Variants in LHX4 observed in about 807,000 individuals in gnomAD.
LHX4 encodes the protein LIM/homeobox protein Lhx4.
A neutral mutation model predicts 39.2 loss-of-function variants in LHX4; 16 were observed. The ratio of observed to expected loss-of-function variants is 0.41; its 90% CI spans 0.28 to 0.62. The LOEUF is 0.62. Ranked by LOEUF, LHX4 falls within the 20% of genes least tolerant of loss-of-function variation. The pLI is 0.33. For missense variants in LHX4, 439 were observed against 511.9 expected, an observed-to-expected ratio of 0.86 and a Z score of 1.37; for synonymous variants, 206 against 198.1, an observed-to-expected ratio of 1.04 and a Z score of -0.33.
At chr1:180,272,100 T>C (rs1648707628) in intron 5 of LHX4, 94 bp downstream of exon 5, 1 of 1,143,696 alleles carries the variant, frequency 8.7e-7, no homozygotes. Flanking sequence ...TCTTGAGGCC[T>C]TGGCAACTCC....
chr1:180,248,524 G>A, intron 2 of LHX4, 68 bp downstream of exon 2: 2 of 1,566,770 alleles, frequency 1.3e-6, no homozygotes, highest in Non-Finnish European at 1.8e-6. Context: ...TGAGGGGGAA[G>A]TTTGCAGCAG....
At chr1:180,243,902 C>A (rs111713075) in intron 1 of LHX4, among the ~76,000 whole-genome samples, 5 of 152,326 alleles carry the variant, frequency 3.3e-5, no homozygotes, top group African/African-American at 9.6e-5. Flanking sequence ...AAATGACAGG[C>A]TCAAGCCAAA....
chr1:180,230,666 C>G lies in LHX4; in HGVS notation c.76+61C>G. 6.6e-7 allele frequency: 1 copy of G among 1,521,144 alleles called. No individual in the cohort carries two copies. The highest frequency in any genetic ancestry group is 9.1e-7 in the Non-Finnish European group (1 of 1,100,390). The allele number at this position is 1,521,144 out of a possible 1,614,324, so 94.2% of individuals were successfully genotyped here. On this transcript the variant is annotated intron_variant, in intron 1 of 5. Transcript: ENST00000263726. This position sits in a 1 kb window ranked among gnomAD's most constrained non-coding sequence, Gnocchi z 5.8. ...ACAAGACAGCTAGCAGCCTCAGCCG[C>G]TGCGGGGCGGGCCGGACGCCGCTCA... is the stretch of plus-strand genomic sequence containing the variant.
At chr1:180,229,012 C>T (rs1342999014), upstream of LHX4, among the ~76,000 whole-genome samples, 1 of 152,204 alleles carries the variant, frequency 6.6e-6, no homozygotes, top group Non-Finnish European at 1.5e-5. Flanking sequence ...GCCTGCAGCC[C>T]GGAGGCGTCG....
At chr1:180,229,088 G>A (rs1182117248), upstream of LHX4, among the ~76,000 whole-genome samples, 1 of 152,230 alleles carries the variant, frequency 6.6e-6, no homozygotes, top group African/African-American at 2.4e-5. Flanking sequence ...ATTTCTGCCA[G>A]AAACTCGCGT....
At chr1:180,262,969 G>C (rs898751380) in intron 2 of LHX4, among the ~76,000 whole-genome samples, 3 of 152,172 alleles carry the variant, frequency 2.0e-5, no homozygotes, top group African/African-American at 7.2e-5. Context: ...CTGCTCTCCT[G>C]GGGGGACTGG....
intron 2 of LHX4, among the ~76,000 whole-genome samples, chr1:180,252,760 C>A (rs528624328): frequency 1.2e-4 from 18 of 152,208 alleles, no homozygotes; most frequent in African/African-American, 4.3e-4. Flanking sequence ...GCCGGGAGGT[C>A]AGGACTTCCC....
intron 2 of LHX4, among the ~76,000 whole-genome samples, chr1:180,264,378 A>ACACACACACACACACACACAC (rs1242935728): frequency 2.8e-5 from 4 of 145,300 alleles, no homozygotes; most frequent in Admixed American, 1.4e-4. Flanking sequence ...ACACACACAT[A>ACACACACACACACACACACAC]ACACACACAC....
chr1:180,255,670 C>T (rs1558215621), intron 2 of LHX4, among the ~76,000 whole-genome samples: 4 of 152,196 alleles, frequency 2.6e-5, no homozygotes, highest in South Asian at 2.1e-4. Context: ...TACTTAGCCC[C>T]GAAGCTCCCC....
intron 1 of LHX4, among the ~76,000 whole-genome samples, chr1:180,241,824 GTTTTTGTTTTT>G (rs1434997216): frequency 6.6e-6 from 1 of 151,266 alleles, no homozygotes; most frequent in African/African-American, 2.4e-5. Flanking sequence ...TTTTTGTTTT[GTTTTTGTTTTT>G]GAGACAGAGT....
chr1:180,262,677 A>C (rs1648153916), intron 2 of LHX4, among the ~76,000 whole-genome samples: 1 of 145,104 alleles, frequency 6.9e-6, no homozygotes, highest in African/African-American at 2.6e-5. Flanking sequence ...TTAATACCAA[A>C]CTTGAAAAAA....
intron 2 of LHX4, chr1:180,248,740 G>A (rs1647484772): frequency 2.1e-6 from 1 of 481,258 alleles, no homozygotes; most frequent in Non-Finnish European, 3.8e-6. Context: ...GGTTGACAAA[G>A]TTCTGCAAAT....
Position 180,232,220 on chromosome 1 carries a change from T to C in LHX4, c.76+1615T>C, listed in dbSNP as rs1318123244. Reference sequence around the variant, plus strand: ...ACTGCATGAGTGGGGGAAGGGTGTGTGTGTGTTACTAGTGTCCTTGGTACC... The same window carrying C: ...ACTGCATGAGTGGGGGAAGGGTGTGCGTGTGTTACTAGTGTCCTTGGTACC... On this transcript the variant is annotated intron_variant, in intron 1 of 5. Transcript: ENST00000263726. This position sits in a 1 kb window ranked among gnomAD's most constrained non-coding sequence, Gnocchi z 5.4. Among the ~76,000 whole-genome samples, 1 of 152,148 alleles carries C rather than the reference T, an allele frequency of 6.6e-6. No homozygotes were observed. The highest frequency in any genetic ancestry group is 1.5e-5 in the Non-Finnish European group (1 of 68,024).
At position 180,240,329 on chromosome 1, in the gene LHX4, C is replaced by T. The variant is rs1352233484; in HGVS notation, c.77-7956C>T. The stretch of plus-strand genomic sequence containing the variant: ...GATTACAGGTGTGAGCCACCGTGCC[C>T]GGCCTAAACATTCCTATCAGTACAA... On this transcript the variant is annotated intron_variant, in intron 1 of 5. Transcript: ENST00000263726. Among the ~76,000 whole-genome samples, 5 of 152,288 alleles carry T rather than the reference C, an allele frequency of 3.3e-5. No individual in the cohort carries two copies. The East Asian group carries it at 5.8e-4, about 18-fold the overall frequency.
upstream of LHX4, chr1:180,230,250 A>AGC: frequency 2.5e-6 from 1 of 392,592 alleles, no homozygotes; most frequent in Non-Finnish European, 4.4e-6. The surrounding 1 kb of genome is among the most constrained non-coding windows in gnomAD (Gnocchi z 5.8). Flanking sequence ...GGGGGAGGGA[A>AGC]GAGGAAAAAA....
At chr1:180,271,669 A>G in intron 4 of LHX4, 135 bp downstream of exon 4, 1 of 1,330,114 alleles carries the variant, frequency 7.5e-7, no homozygotes, top group East Asian at 2.3e-5. Context: ...AACTGAAGAC[A>G]GAGTTCTGAG....
chr1:180,249,696 T>C (rs896003024), intron 2 of LHX4, among the ~76,000 whole-genome samples: 5 of 152,246 alleles, frequency 3.3e-5, no homozygotes, highest in African/African-American at 1.2e-4. Context: ...GGTTTCACTA[T>C]GGAGAATAAG....
In LHX4 at chr1:180,274,324, C is replaced by T. The variant is rs1188534526; in HGVS notation, c.918C>T (p.Ser306=). 2.5e-6 allele frequency: 4 copies of T among 1,614,182 alleles called. No individual in the cohort carries two copies. Among genetic ancestry groups the T allele is most frequent in the Middle Eastern group, 3.3e-4 (2 of 6,062 alleles). ...CCTATCAGGACTTGAGGGATGGGAG[C>T]CCCTATGGAATCCCCCAGTCTCCAT... ...GQSYQDLRDG[S]PYGIPQSPSS... The change falls in exon 6 of 6, where the codon AGC becomes AGT. Residue 306 remains serine, a synonymous_variant. Coordinates refer to ENST00000263726, the MANE Select transcript of LHX4 (RefSeq NM_033343.4).
chr1:180,272,017 C>T lies in LHX4; in HGVS notation c.778+11C>T, dbSNP rs770347084. The T allele has an allele frequency of 6.2e-7, 1 of 1,609,484 alleles. No homozygotes were observed. Among genetic ancestry groups the T allele is most frequent in the South Asian group, 1.1e-5 (1 of 90,580 alleles). On this transcript the variant is annotated intron_variant, in intron 5 of 5. Coordinates refer to ENST00000263726, the MANE Select transcript of LHX4 (RefSeq NM_033343.4). ...AGCTGAGCTTCCGAGGTGAGCAGGG[C>T]TGGAGGGGCCAGGCCGAGGCCTTAG... is the stretch of plus-strand genomic sequence containing the variant.
Sources: allele counts gnomAD v4.1 joint callset (sites outside exome capture counted in the v4.1 genomes callset), GRCh38; gene constraint gnomAD v4.1.1; non-coding constraint Gnocchi (gnomAD v3.1); transcripts MANE v1.5; gene names NCBI Gene and HGNC (gene_info 2026-07-23, HGNC 2026-07-21).